Variants in RAP1A observed in about 807,000 individuals in gnomAD.
The protein encoded by RAP1A is ras-related protein Rap-1A.
RAP1A carries 6 observed loss-of-function variants against 26.4 expected under a neutral mutation model. That is an observed-to-expected ratio of 0.23 (90% CI 0.12 to 0.45). The LOEUF (loss-of-function observed/expected upper bound fraction) is 0.45. Ranked by LOEUF, RAP1A falls within the 20% of genes least tolerant of loss-of-function variation. RAP1A has a pLI of 0.99. For synonymous variants in RAP1A, 73 were observed against 79.4 expected (o/e 0.92, Z 0.43); for missense variants, 121 against 217.2 (o/e 0.56, Z 2.78).
chr1:111,653,659 G>A (rs975116184), intron 1 of RAP1A, among the ~76,000 whole-genome samples: 1 of 141,814 alleles, frequency 7.1e-6, no homozygotes, highest in African/African-American at 2.7e-5. Flanking sequence ...CTCCAGCCTG[G>A]GCTACAAGAG....
intron 1 of RAP1A, among the ~76,000 whole-genome samples, chr1:111,667,748 A>AT (rs972169468): frequency 6.6e-6 from 1 of 152,002 alleles, no homozygotes. Flanking sequence ...GCCATTTAAG[A>AT]TTTTTTAAAT....
intron 1 of RAP1A, among the ~76,000 whole-genome samples, chr1:111,620,943 T>C (rs1433749371): frequency 6.6e-6 from 1 of 152,216 alleles, no homozygotes; most frequent in Non-Finnish European, 1.5e-5. Flanking sequence ...AGGGAACCTT[T>C]GACCTCTTGG....
chr1:111,640,223 C>A (rs1571518536), intron 1 of RAP1A, among the ~76,000 whole-genome samples: 1 of 152,088 alleles, frequency 6.6e-6, no homozygotes, highest in African/African-American at 2.4e-5. Flanking sequence ...ACTGAATAGT[C>A]CATGTAAGGA....
chr1:111,604,064 C>T (rs939459917), intron 1 of RAP1A, among the ~76,000 whole-genome samples: 14 of 152,208 alleles, frequency 9.2e-5, no homozygotes, highest in African/African-American at 3.1e-4. Context: ...AAAGCAGGCT[C>T]CAGTGGGCCT....
At chr1:111,554,257 G>A (rs1413496000) in intron 1 of RAP1A, among the ~76,000 whole-genome samples, 11 of 152,172 alleles carry the variant, frequency 7.2e-5, no homozygotes, top group Non-Finnish European at 5.9e-5. Flanking sequence ...CCGGAGTTTA[G>A]AACTGTAAGA....
At chr1:111,559,381 G>A (rs1053080105) in intron 1 of RAP1A, among the ~76,000 whole-genome samples, 6 of 152,126 alleles carry the variant, frequency 3.9e-5, no homozygotes, top group African/African-American at 1.4e-4. Flanking sequence ...CGATTCAGCA[G>A]TGACCTAAAA....
At chr1:111,638,987 GAACA>G (rs1659809886) in intron 1 of RAP1A, among the ~76,000 whole-genome samples, 1 of 152,208 alleles carries the variant, frequency 6.6e-6, no homozygotes, top group African/African-American at 2.4e-5. Context: ...GTTGCATAGT[GAACA>G]AACAAGCTAT....
chr1:111,654,500 T>G (rs1441253184), intron 1 of RAP1A, among the ~76,000 whole-genome samples: 1 of 152,202 alleles, frequency 6.6e-6, no homozygotes, highest in Non-Finnish European at 1.5e-5. Flanking sequence ...TGCCATTTAC[T>G]AATTGTTTTG....
intron 1 of RAP1A, among the ~76,000 whole-genome samples, chr1:111,607,039 T>TTTATTTATTTATTTA (rs1246341026): frequency 2.4e-5 from 3 of 125,308 alleles, no homozygotes; most frequent in African/African-American, 9.0e-5. Flanking sequence ...TTATTTATTT[T>TTTATTTATTTATTTA]TATTGATTAT....
chr1:111,686,830 A>G (rs1661497337), intron 1 of RAP1A: 1 of 151,834 alleles, frequency 6.6e-6, no homozygotes, highest in South Asian at 2.1e-4. Context: ...CAATACTCTT[A>G]TAGAAAGAAA....
intron 1 of RAP1A, among the ~76,000 whole-genome samples, chr1:111,680,932 A>G (rs1220567971): frequency 6.6e-6 from 1 of 152,210 alleles, no homozygotes. Context: ...ATCCATGAAG[A>G]TGAGGAAAAA....
chr1:111,546,089 T>C (rs1284185951), intron 1 of RAP1A, among the ~76,000 whole-genome samples: 1 of 152,184 alleles, frequency 6.6e-6, no homozygotes, highest in Non-Finnish European at 1.5e-5. Flanking sequence ...AAAACTATTT[T>C]GGTTATTCAA....
chr1:111,638,732 A>AT (rs1557874067), intron 1 of RAP1A, among the ~76,000 whole-genome samples: 2 of 151,452 alleles, frequency 1.3e-5, no homozygotes, highest in South Asian at 2.1e-4. Context: ...TGTGTTTTCT[A>AT]TTTTTTTCAT....
intron 5 of RAP1A, 132 bp from the exon 6 acceptor site, chr1:111,704,211 G>T: frequency 1.3e-5 from 10 of 744,522 alleles, no homozygotes; most frequent in South Asian, 7.0e-5. Flanking sequence ...TATACTTTTC[G>T]TTAGTATTTG....
At chr1:111,644,519 G>C (rs1031336068) in intron 1 of RAP1A, among the ~76,000 whole-genome samples, 1 of 152,122 alleles carries the variant, frequency 6.6e-6, no homozygotes, top group African/African-American at 2.4e-5. Context: ...TGAAAGGTGG[G>C]TACACCTTGA....
At chr1:111,686,964 C>T (rs796130329) in intron 1 of RAP1A, among the ~76,000 whole-genome samples, 1 of 151,574 alleles carries the variant, frequency 6.6e-6, no homozygotes, top group Non-Finnish European at 1.5e-5. Context: ...GACTTTGTTG[C>T]CAATAGATGT....
At chr1:111,676,796 A>AT (rs559287814) in intron 1 of RAP1A, among the ~76,000 whole-genome samples, 1,460 of 144,192 alleles carry the variant, frequency 0.01, 23 homozygotes, top group African/African-American at 0.034. Flanking sequence ...TCTTCTCTAG[A>AT]TTTTTTTTTT....
intron 1 of RAP1A, among the ~76,000 whole-genome samples, chr1:111,667,716 C>T (rs1660837848): frequency 6.6e-6 from 1 of 151,728 alleles, no homozygotes; most frequent in Non-Finnish European, 1.5e-5. Flanking sequence ...CATGACTTCT[C>T]ACTGTGAAGA....
At chr1:111,601,529 G>GGTT (rs1282859315) in intron 1 of RAP1A, among the ~76,000 whole-genome samples, 1 of 152,170 alleles carries the variant, frequency 6.6e-6, no homozygotes, top group Non-Finnish European at 1.5e-5. Flanking sequence ...TGTGGCTGAA[G>GGTT]GTTGCTATTA....
Sources: allele counts gnomAD v4.1 joint callset (sites outside exome capture counted in the v4.1 genomes callset), GRCh38; gene constraint gnomAD v4.1.1; transcripts MANE v1.5; gene names NCBI Gene and HGNC (gene_info 2026-07-23, HGNC 2026-07-21).